CLDN16: variants seen among roughly 807,000 people sequenced by gnomAD.
The protein encoded by CLDN16 is claudin 16, also known as claudin-16.
A neutral mutation model predicts 24.6 loss-of-function variants in CLDN16; 13 were observed. The observed-to-expected ratio is 0.53, with a 90% CI of 0.34 to 0.84. The LOEUF (loss-of-function observed/expected upper bound fraction) is 0.84, where lower values mean the gene tolerates loss of function less well. Ranked by LOEUF, CLDN16 falls within the 40% of genes least tolerant of loss-of-function variation. The pLI is 0.01. For synonymous variants in CLDN16, 116 were observed against 106.7 expected (o/e 1.09, Z -0.54); for missense variants, 298 against 292.7 (o/e 1.02, Z -0.13).
intron 4 of CLDN16, among the ~76,000 whole-genome samples, chr3:190,409,625 G>T (rs1352078391): frequency 6.6e-6 from 1 of 151,548 alleles, no homozygotes; most frequent in Non-Finnish European, 1.5e-5. Context: ...TGTTATGTTG[G>T]GTTTCTAAAA....
chr3:190,312,303 AT>A, the CLDN16 span, among the ~76,000 whole-genome samples: 76,977 of 150,946 alleles, frequency 0.51, 21,860 homozygotes, highest in African/African-American at 0.76. Flanking sequence ...GTATTTCTGT[AT>A]TTTTTTTTTC....
chr3:190,378,399 A>G (rs1718289793), intron 3 of CLDN16, among the ~76,000 whole-genome samples: 1 of 152,122 alleles, frequency 6.6e-6, no homozygotes, highest in South Asian at 2.1e-4. Context: ...TATACAGTAC[A>G]ATAGAACCTT....
In CLDN16 at chr3:190,411,333, T is replaced by C. The variant is rs1180691398; in HGVS notation, c.*1297T>C. 6.6e-6 allele frequency: 1 copy of C among 152,162 alleles called. No individual in the cohort carries two copies. The highest frequency in any genetic ancestry group is 1.5e-5 in the Non-Finnish European group (1 of 68,022). 9.4% of individuals were successfully genotyped at this position (152,162 alleles called of 1,614,324 possible). ...TTTGGGGAAAATATAGAATTACATA[T>C]ACATTTAACGAAGTCGCTAATGACA... is the stretch of plus-strand genomic sequence containing the variant. On this transcript the variant is annotated 3_prime_UTR_variant, in exon 5 of 5. Coordinates refer to ENST00000264734, the MANE Select transcript of CLDN16 (RefSeq NM_006580.4).
the CLDN16 span, among the ~76,000 whole-genome samples, chr3:190,297,034 C>A: frequency 6.6e-6 from 1 of 152,022 alleles, no homozygotes; most frequent in Admixed American, 6.6e-5. Context: ...CTGTCTTACT[C>A]ATCTCTTTAT....
chr3:190,386,075 A>G (rs185775879), upstream of CLDN16, among the ~76,000 whole-genome samples: 1 of 152,252 alleles, frequency 6.6e-6, no homozygotes, highest in African/African-American at 2.4e-5. Flanking sequence ...CCCTGTGTGA[A>G]ATGTCAGCAA....
rs1305365576 is a variant in CLDN16, at chr3:190,342,146, T to A, written n.121+19485T>A. 2.0e-5 allele frequency among the ~76,000 whole-genome samples: 3 copies of A among 152,208 alleles called. No individual in the cohort carries two copies. In the East Asian group the frequency reaches 5.8e-4, roughly 29 times the overall value. ...CTCTGCCTGTTACACAGTTCCAAAG[T>A]CGCTTCCACATTTTCAGGTATCTTT... is the stretch of plus-strand genomic sequence containing the variant. On this transcript the variant is annotated intron_variant and non_coding_transcript_variant, in intron 1 of 4. Transcript: ENST00000468220.
At chr3:190,392,772 A>T (rs1228186033) in intron 1 of CLDN16, among the ~76,000 whole-genome samples, 34 of 152,188 alleles carry the variant, frequency 2.2e-4, no homozygotes, top group Admixed American at 2.2e-3. Context: ...TATTTTGTAT[A>T]TTTCATCATA....
At chr3:190,376,188 CCAATTTGAGCA>C (rs1473330981) in intron 3 of CLDN16, among the ~76,000 whole-genome samples, 6 of 151,896 alleles carry the variant, frequency 4.0e-5, no homozygotes, top group Admixed American at 2.0e-4. Context: ...GAATCCTGTA[CCAATTTGAGCA>C]CATAAGACTT....
chr3:190,324,581 T>G (rs1022907702), intron 1 of CLDN16, among the ~76,000 whole-genome samples: 2 of 152,220 alleles, frequency 1.3e-5, no homozygotes. Flanking sequence ...TTACAACTGG[T>G]TTCTATCAAC....
intron 1 of CLDN16, among the ~76,000 whole-genome samples, chr3:190,326,000 T>C (rs1717052138): frequency 6.6e-6 from 1 of 152,174 alleles, no homozygotes; most frequent in Non-Finnish European, 1.5e-5. Flanking sequence ...TTGAAGCTCC[T>C]TGGAGTCTTT....
At chr3:190,293,960 T>C in the CLDN16 span, among the ~76,000 whole-genome samples, 1 of 152,226 alleles carries the variant, frequency 6.6e-6, no homozygotes, top group Admixed American at 6.5e-5. Context: ...GAGCAAGTAC[T>C]GTATAACAAG....
chr3:190,324,831 T>C (rs1397587692), intron 1 of CLDN16, among the ~76,000 whole-genome samples: 1 of 152,186 alleles, frequency 6.6e-6, no homozygotes, highest in African/African-American at 2.4e-5. Context: ...TGGCTCAGCA[T>C]AAATCTATCA....
chr3:190,303,687 A>G, the CLDN16 span, among the ~76,000 whole-genome samples: 2 of 152,232 alleles, frequency 1.3e-5, no homozygotes, highest in Non-Finnish European at 2.9e-5. Flanking sequence ...CACTTTATAA[A>G]TAACAACTTA....
At chr3:190,379,464 G>A (rs563046598) in intron 3 of CLDN16, among the ~76,000 whole-genome samples, 21 of 152,170 alleles carry the variant, frequency 1.4e-4, no homozygotes, top group African/African-American at 4.8e-4. Context: ...CTAGCACAAT[G>A]TATGGCACAT....
chr3:190,324,485 C>T lies in CLDN16; in HGVS notation n.121+1824C>T, dbSNP rs1196980723. Among the ~76,000 whole-genome samples, 5 of 152,174 alleles carry T rather than the reference C, an allele frequency of 3.3e-5. 1 individual carries two copies. In the East Asian group the frequency reaches 5.8e-4, roughly 18 times the overall value. The stretch of plus-strand genomic sequence containing the variant: ...GCAACAGACCAAGACCCCATCTCAA[C>T]AAATAAATAAATAAATAAATAAACA... On this transcript the variant is annotated intron_variant and non_coding_transcript_variant, in intron 1 of 4. Transcript: ENST00000468220.
intron 3 of CLDN16, among the ~76,000 whole-genome samples, chr3:190,379,085 T>C (rs1718302850): frequency 2.6e-5 from 4 of 152,082 alleles, no homozygotes. Context: ...ACTTGATTTG[T>C]TGTTGTTGAG....
the CLDN16 span, among the ~76,000 whole-genome samples, chr3:190,310,711 C>T: frequency 6.6e-6 from 1 of 152,078 alleles, no homozygotes; most frequent in South Asian, 2.1e-4. Context: ...GGAATGCAAG[C>T]AGCTAGATAG....
upstream of CLDN16, among the ~76,000 whole-genome samples, chr3:190,386,556 A>C (rs74653485): frequency 0.01 from 1,552 of 152,298 alleles, 68 homozygotes; most frequent in East Asian, 0.13. Flanking sequence ...TTCATATCCC[A>C]TGTGAAGTGG....
the CLDN16 span, among the ~76,000 whole-genome samples, chr3:190,302,564 G>T: frequency 6.6e-6 from 1 of 152,204 alleles, no homozygotes; most frequent in African/African-American, 2.4e-5. Flanking sequence ...GAGCTCAAGA[G>T]TTTGAGACCA....
Sources: gnomAD v4.1 joint callset for allele counts (sites outside exome capture counted in the v4.1 genomes callset) on GRCh38, gnomAD v4.1.1 for gene constraint, MANE v1.5 for transcripts, NCBI Gene and HGNC (gene_info 2026-07-23, HGNC 2026-07-21) for gene names.